Variants in SLTM observed in about 807,000 individuals in gnomAD.
The protein encoded by SLTM is SAFB-like transcription modulator.
In SLTM, 43 loss-of-function variants were observed where a neutral mutation model predicts 134.6. The observed-to-expected ratio is 0.32, with a 90% CI of 0.25 to 0.41. The LOEUF is 0.41. Among genes scored for constraint, SLTM ranks in the 10% least tolerant of loss-of-function variants. SLTM has a pLI of 1.00. For missense variants in SLTM, 1,055 were observed against 1,288.8 expected, an observed-to-expected ratio of 0.82 and a Z score of 2.78; for synonymous variants, 424 against 432.3, an observed-to-expected ratio of 0.98 and a Z score of 0.24.
chr15:58,898,543 A>G (rs2141020959), intron 8 of SLTM: 2 of 359,150 alleles, frequency 5.6e-6, no homozygotes, highest in Non-Finnish European at 1.0e-5. Flanking sequence ...ACAGTCCCTT[A>G]GAACACACCA....
chr15:58,929,143 T>C (rs903672108), intron 2 of SLTM, among the ~76,000 whole-genome samples: 5 of 152,200 alleles, frequency 3.3e-5, no homozygotes, highest in African/African-American at 1.2e-4. Flanking sequence ...GCAAAAAGAA[T>C]TGAATGTAGT....
intron 1 of SLTM, 70 bp downstream of exon 1, chr15:58,933,334 C>T: frequency 6.8e-7 from 1 of 1,471,108 alleles, no homozygotes; most frequent in Non-Finnish European, 9.1e-7. Context: ...GAGGCTGCGG[C>T]GGAAGCGGGG....
At chr15:58,915,391 C>A (rs539380212) in intron 3 of SLTM, among the ~76,000 whole-genome samples, 2 of 152,024 alleles carry the variant, frequency 1.3e-5, no homozygotes, top group Non-Finnish European at 2.9e-5. Context: ...TTTTTATAAA[C>A]TGAAGAGCTG....
intron 1 of SLTM, among the ~76,000 whole-genome samples, chr15:58,932,918 C>A (rs1202384930): frequency 1.3e-5 from 2 of 152,216 alleles, no homozygotes; most frequent in Non-Finnish European, 2.9e-5. Context: ...AACTCTGTCA[C>A]CCACCCATCA....
At chr15:58,902,316 C>T (rs1357731561) in intron 5 of SLTM, among the ~76,000 whole-genome samples, 1 of 152,094 alleles carries the variant, frequency 6.6e-6, no homozygotes, top group East Asian at 1.9e-4. Flanking sequence ...AGCTGATTCT[C>T]CCACCTTATC....
intron 5 of SLTM, among the ~76,000 whole-genome samples, chr15:58,908,451 T>G (rs769494262): frequency 6.6e-6 from 1 of 152,098 alleles, no homozygotes; most frequent in Admixed American, 6.5e-5. Context: ...ACTGCAGCCT[T>G]GACCTCCTGG....
intron 9 of SLTM, 131 bp from the exon 10 acceptor site, chr15:58,894,713 T>TC (rs1452006180): frequency 1.1e-6 from 1 of 948,836 alleles, no homozygotes; most frequent in Non-Finnish European, 1.5e-6. Flanking sequence ...ATGTTTTTTT[T>TC]TTTTTTTTTG....
chr15:58,902,836 G>A (rs879612730), intron 5 of SLTM, among the ~76,000 whole-genome samples: 1 of 151,766 alleles, frequency 6.6e-6, no homozygotes, highest in South Asian at 2.1e-4. Flanking sequence ...CAATTCTCCT[G>A]CCTCAGCCTC....
At chr15:58,932,303 G>C in intron 2 of SLTM, 53 bp downstream of exon 2, 1 of 1,320,220 alleles carries the variant, frequency 7.6e-7, no homozygotes, top group Non-Finnish European at 1.1e-6. Context: ...AAGAGCAGAG[G>C]CAAGTTATAT....
chr15:58,886,896 C>G, intron 19 of SLTM, 79 bp downstream of exon 19: 2 of 1,541,400 alleles, frequency 1.3e-6, no homozygotes, highest in East Asian at 2.3e-5. Context: ...CATCAAAATG[C>G]TACTGTATAT....
Position 58,889,706 on chromosome 15 carries a change from A to G in SLTM, c.2080-152T>C, listed in dbSNP as rs1310750154. 30 of 873,886 alleles carry G rather than the reference A, an allele frequency of 3.4e-5. No homozygotes were observed. In the East Asian group the frequency reaches 3.8e-4, roughly 11 times the overall value. The allele number at this position is 873,886 out of a possible 1,614,324, so 54.1% of individuals were successfully genotyped here. ...CCTATGACACCTAAATTTGATTTCA[A>G]TAATCTAGGCTGTAGCTATTGTTCT... On this transcript the variant is annotated intron_variant, in intron 15 of 20. Transcript: ENST00000380516.
At chr15:58,908,540 T>A (rs951860050) in intron 5 of SLTM, among the ~76,000 whole-genome samples, 19 of 149,868 alleles carry the variant, frequency 1.3e-4, no homozygotes, top group African/African-American at 3.4e-4. Context: ...CTATTTAAAA[T>A]TTTTTTTTTA....
chr15:58,914,368 G>C (rs190438839), intron 3 of SLTM, among the ~76,000 whole-genome samples: 2 of 152,142 alleles, frequency 1.3e-5, no homozygotes, highest in African/African-American at 2.4e-5. Flanking sequence ...CTGTTCTTAC[G>C]GTAAATCCAG....
chr15:58,889,191 A>T (rs1450565727), intron 16 of SLTM: 18 of 412,954 alleles, frequency 4.4e-5, no homozygotes, highest in African/African-American at 3.0e-4. Context: ...CTACTATGAC[A>T]ATGTATTTCC....
At chr15:58,883,425 A>C in intron 20 of SLTM, 1 of 632,612 alleles carries the variant, frequency 1.6e-6, no homozygotes, top group Non-Finnish European at 2.7e-6. Flanking sequence ...ATTCATTTAA[A>C]AGGAAGAATA....
chr15:58,927,846 A>C (rs1234777547), intron 2 of SLTM, among the ~76,000 whole-genome samples: 1 of 152,216 alleles, frequency 6.6e-6, no homozygotes, highest in African/African-American at 2.4e-5. Context: ...CTGGAGGAAA[A>C]AAGCTAATTA....
At chr15:58,903,851 C>T (rs915195861) in intron 5 of SLTM, among the ~76,000 whole-genome samples, 3 of 152,050 alleles carry the variant, frequency 2.0e-5, no homozygotes, top group Non-Finnish European at 2.9e-5. Context: ...TGGAAATGTA[C>T]GTAGAACTGT....
intron 2 of SLTM, among the ~76,000 whole-genome samples, chr15:58,930,261 G>A (rs909607987): frequency 1.1e-4 from 16 of 148,348 alleles, no homozygotes; most frequent in Admixed American, 4.1e-4. Flanking sequence ...CTACAGGCAC[G>A]CGCGCCACCA....
chr15:58,894,890 A>T (rs754898409), intron 9 of SLTM, among the ~76,000 whole-genome samples: 1 of 152,122 alleles, frequency 6.6e-6, no homozygotes, highest in Non-Finnish European at 1.5e-5. Flanking sequence ...TTTTTAGTAC[A>T]GATAGGGTTT....
Sources: allele counts gnomAD v4.1 joint callset (sites outside exome capture counted in the v4.1 genomes callset), GRCh38; gene constraint gnomAD v4.1.1; transcripts MANE v1.5; gene names NCBI Gene and HGNC (gene_info 2026-07-23, HGNC 2026-07-21).